Variants in SPATS2L observed in about 807,000 individuals in gnomAD.
The protein encoded by SPATS2L is spermatogenesis associated serine rich 2 like, also known as SPATS2-like protein.
A neutral mutation model predicts 59.6 loss-of-function variants in SPATS2L; 30 were observed. The observed-to-expected ratio is 0.50, with a 90% CI of 0.38 to 0.68. The LOEUF (loss-of-function observed/expected upper bound fraction) is 0.68. Among genes scored for constraint, SPATS2L ranks in the 30% least tolerant of loss-of-function variants. The pLI, the probability that SPATS2L is intolerant of heterozygous loss-of-function variation, is 0.00. For synonymous variants in SPATS2L, 252 were observed against 263.5 expected, an observed-to-expected ratio of 0.96 and a Z score of 0.42; for missense variants, 615 against 700.0, an observed-to-expected ratio of 0.88 and a Z score of 1.37.
chr2:200,329,568 C>G, intron 2 of SPATS2L, 88 bp downstream of exon 2: 2 of 1,188,784 alleles, frequency 1.7e-6, no homozygotes. Context: ...TCCTGGGAGC[C>G]TTGTCACAGC....
At chr2:200,307,540 C>T (rs957365849) in intron 1 of SPATS2L, among the ~76,000 whole-genome samples, 1 of 152,138 alleles carries the variant, frequency 6.6e-6, no homozygotes, top group Admixed American at 6.5e-5. Context: ...GCGCCCTGGC[C>T]GCGGGACGAA....
intron 3 of SPATS2L, among the ~76,000 whole-genome samples, chr2:200,404,445 A>T (rs762817692): frequency 1.1e-4 from 17 of 152,208 alleles, no homozygotes; most frequent in Non-Finnish European, 2.1e-4. Flanking sequence ...TGTGAGATTC[A>T]TTTCACTTTC....
chr2:200,401,405 C>T (rs1282990616), intron 3 of SPATS2L, among the ~76,000 whole-genome samples: 1 of 152,168 alleles, frequency 6.6e-6, no homozygotes, highest in Non-Finnish European at 1.5e-5. Context: ...GATGGATACC[C>T]TCTTACAGAG....
At chr2:200,337,014 T>A (rs904457982) in intron 2 of SPATS2L, among the ~76,000 whole-genome samples, 3 of 152,360 alleles carry the variant, frequency 2.0e-5, no homozygotes, top group South Asian at 2.1e-4. Flanking sequence ...ATCATTAGTT[T>A]ACTTGGCCTT....
At chr2:200,445,910 T>C (rs933987004) in intron 8 of SPATS2L, among the ~76,000 whole-genome samples, 1 of 152,212 alleles carries the variant, frequency 6.6e-6, no homozygotes. Flanking sequence ...CATTAAAAGA[T>C]GATGCCTATA....
intron 6 of SPATS2L, among the ~76,000 whole-genome samples, chr2:200,433,441 A>G (rs1397395751): frequency 6.6e-6 from 1 of 152,132 alleles, no homozygotes; most frequent in African/African-American, 2.4e-5. Context: ...TTAAAACACC[A>G]TCTTAAGAGT....
chr2:200,473,514 T>TA (rs1553545398), intron 12 of SPATS2L, among the ~76,000 whole-genome samples: 1 of 152,222 alleles, frequency 6.6e-6, no homozygotes, highest in African/African-American at 2.4e-5. Flanking sequence ...AATAAGAGGC[T>TA]AAAGTTAGTG....
intron 8 of SPATS2L, among the ~76,000 whole-genome samples, chr2:200,459,014 C>T (rs2086054008): frequency 6.6e-6 from 1 of 152,166 alleles, no homozygotes; most frequent in South Asian, 2.1e-4. Context: ...CTCCTTCCTA[C>T]ATAAAAATCT....
intron 3 of SPATS2L, among the ~76,000 whole-genome samples, chr2:200,396,033 AATATATATATATATAT>A (rs1553520465): frequency 4.7e-5 from 1 of 21,148 alleles, no homozygotes; most frequent in Admixed American, 8.1e-4. Context: ...AAAAAAAAAA[AATATATATATATATAT>A]ATATATATAT....
chr2:200,381,354 T>C (rs1443523935), intron 2 of SPATS2L, among the ~76,000 whole-genome samples: 1 of 152,208 alleles, frequency 6.6e-6, no homozygotes, highest in African/African-American at 2.4e-5. Context: ...CTGTAGTACC[T>C]GAGAGCCAAA....
intron 1 of SPATS2L, among the ~76,000 whole-genome samples, chr2:200,318,978 A>G (rs7578220): frequency 0.4 from 60,426 of 152,008 alleles, 13,397 homozygotes; most frequent in East Asian, 0.73. Context: ...GATTGGACCA[A>G]TACTCCATCA....
chr2:200,379,093 C>T (rs2081706159), intron 2 of SPATS2L, among the ~76,000 whole-genome samples: 1 of 152,150 alleles, frequency 6.6e-6, no homozygotes, highest in African/African-American at 2.4e-5. Flanking sequence ...AGTTCTTAAT[C>T]TCATTTCCTT....
intron 2 of SPATS2L, among the ~76,000 whole-genome samples, chr2:200,366,567 A>T (rs542007503): frequency 2.6e-5 from 4 of 152,332 alleles, no homozygotes; most frequent in Admixed American, 2.6e-4. Flanking sequence ...AATATTGATG[A>T]TTATTCATGG....
chr2:200,367,876 A>G (rs1191287923), intron 2 of SPATS2L, among the ~76,000 whole-genome samples: 1 of 152,246 alleles, frequency 6.6e-6, no homozygotes, highest in African/African-American at 2.4e-5. Context: ...GGTAAGTGAT[A>G]AGAGTTGTAG....
chr2:200,323,971 GT>G (rs2079647795), intron 1 of SPATS2L, among the ~76,000 whole-genome samples: 1 of 152,188 alleles, frequency 6.6e-6, no homozygotes, highest in Non-Finnish European at 1.5e-5. Context: ...CCGTGCAGAG[GT>G]TTTTGGAGGT....
In SPATS2L at chr2:200,423,072, G is replaced by T. The variant is rs187186206; in HGVS notation, c.445+3576G>T. ...GGACGAAGGCATGACCACATCCTGG[G>T]TAGGACAGAGTGAGATGGCACAAGA... On this transcript the variant is annotated intron_variant, in intron 6 of 12. Transcript: ENST00000409140. Among the ~76,000 whole-genome samples, 4 of 152,282 alleles carry T rather than the reference G, an allele frequency of 2.6e-5. No individual in the cohort carries two copies. The East Asian group carries it at 7.7e-4, about 29-fold the overall frequency.
chr2:200,325,524 G>A (rs891833861), intron 1 of SPATS2L, among the ~76,000 whole-genome samples: 1 of 152,044 alleles, frequency 6.6e-6, no homozygotes, highest in African/African-American at 2.4e-5. Context: ...GACTACAGGT[G>A]CACACCACCA....
chr2:200,402,764 C>A (rs562249173), intron 3 of SPATS2L, among the ~76,000 whole-genome samples: 1 of 152,338 alleles, frequency 6.6e-6, no homozygotes, highest in Non-Finnish European at 1.5e-5. Flanking sequence ...AGATTAATTT[C>A]AACTTTGAGG....
intron 1 of SPATS2L, among the ~76,000 whole-genome samples, chr2:200,316,170 A>G (rs889079756): frequency 2.6e-5 from 4 of 152,194 alleles, no homozygotes; most frequent in South Asian, 2.1e-4. Context: ...AACTGTGACT[A>G]TAAAGAGAAC....
Sources: gnomAD v4.1 joint callset for allele counts (sites outside exome capture counted in the v4.1 genomes callset) on GRCh38, gnomAD v4.1.1 for gene constraint, MANE v1.5 for transcripts, NCBI Gene and HGNC (gene_info 2026-07-23, HGNC 2026-07-21) for gene names.